HRH4: variants seen among roughly 807,000 people sequenced by gnomAD.
HRH4 encodes histamine H4 receptor.
Under a neutral mutation model 10.4 loss-of-function variants are expected in HRH4, and 12 were observed. The observed-to-expected ratio is 1.15, with a 90% CI of 0.74 to 1.87. The LOEUF (loss-of-function observed/expected upper bound fraction) is 1.87. HRH4 is among the 40% of genes most tolerant of loss of function. The pLI is 0.00. For missense variants in HRH4, 415 were observed against 453.3 expected, an observed-to-expected ratio of 0.92 and a Z score of 0.77; for synonymous variants, 154 against 166.6, an observed-to-expected ratio of 0.92 and a Z score of 0.58.
At chr18:24,464,755 G>A (rs1250573092) in intron 1 of HRH4, among the ~76,000 whole-genome samples, 1 of 152,126 alleles carries the variant, frequency 6.6e-6, no homozygotes, top group Non-Finnish European at 1.5e-5. Context: ...ACTTTCTGAG[G>A]TGCTGGGGAT....
chr18:24,473,469 G>C (rs1358524058), intron 2 of HRH4, among the ~76,000 whole-genome samples: 1 of 152,170 alleles, frequency 6.6e-6, no homozygotes, highest in Non-Finnish European at 1.5e-5. Flanking sequence ...TTTAGCTGCT[G>C]GTGTTGCCAG....
intron 2 of HRH4, among the ~76,000 whole-genome samples, chr18:24,471,233 C>A (rs947625871): frequency 2.0e-5 from 3 of 151,850 alleles, no homozygotes. Flanking sequence ...AAACTGCTGG[C>A]CTTGACCCAT....
At position 24,463,258 on chromosome 18, in the gene HRH4, C is replaced by T. The variant is rs182097877; in HGVS notation, c.193+2337C>T. ...TCAGCAGGTGGGTGAAGATATAATTCTGATAATTTCTTTTGCTCCTGATTA... is the reference window on the plus strand; with the variant it reads ...TCAGCAGGTGGGTGAAGATATAATTTTGATAATTTCTTTTGCTCCTGATTA... On this transcript the variant is annotated intron_variant, in intron 1 of 2. Transcript: ENST00000256906. Among the ~76,000 whole-genome samples, 16 of 152,298 alleles carry T rather than the reference C, an allele frequency of 1.1e-4. No individual in the cohort carries two copies. In the East Asian group the frequency reaches 2.9e-3, roughly 28 times the overall value.
intron 2 of HRH4, among the ~76,000 whole-genome samples, chr18:24,475,438 A>G (rs1173990115): frequency 6.6e-6 from 1 of 152,208 alleles, no homozygotes; most frequent in Non-Finnish European, 1.5e-5. Context: ...AGCATGGACA[A>G]CATAGTGAGG....
intron 2 of HRH4, among the ~76,000 whole-genome samples, chr18:24,475,963 G>A (rs1007893809): frequency 3.9e-5 from 6 of 152,114 alleles, no homozygotes; most frequent in South Asian, 2.1e-4. Flanking sequence ...AGCCGAGATT[G>A]CGCCATTGCA....
chr18:24,460,827 T>C lies in HRH4; in HGVS notation c.99T>C (p.Asn33=). 1.3e-6 allele frequency: 2 copies of C among 1,590,348 alleles called. No homozygotes were observed. The highest frequency in any genetic ancestry group is 8.6e-7 in the Non-Finnish European group (1 of 1,163,144). The change falls in exon 1 of 3, where the codon AAT becomes AAC. Residue 33 remains asparagine (N), a synonymous_variant. Coordinates refer to ENST00000256906, the MANE Select transcript of HRH4 (RefSeq NM_021624.4). The part of the protein sequence containing the change: ...SLVAFAIMLG[N]ALVILAFVVD... ...TAGCTTTTGCTATAATGCTAGGAAA[T>C]GCTTTGGTCATTTTAGCTTTTGTGG...
Position 24,476,982 on chromosome 18 carries a change from A to T in HRH4, c.593A>T (p.Tyr198Phe), listed in dbSNP as rs760866060. The change falls in exon 3 of 3, where the codon TAT (tyrosine) becomes TTT (phenylalanine). Residue 198 changes from tyrosine (Y) to phenylalanine (F), a missense_variant. Transcript: ENST00000256906. ...ILVAYFNMNI[Y>F]WSLWKRDHLS... is the part of the protein sequence containing the mutation. ...GTCGCTTATTTCAACATGAATATTT[A>T]TTGGAGCCTGTGGAAGCGTGATCAT... 2.5e-6 allele frequency: 4 copies of T among 1,614,074 alleles called. No individual in the cohort carries two copies. In the African/African-American group the frequency reaches 5.3e-5, roughly 22 times the overall value.
chr18:24,465,000 T>C (rs1909736452), intron 1 of HRH4, among the ~76,000 whole-genome samples: 1 of 151,946 alleles, frequency 6.6e-6, no homozygotes, highest in Non-Finnish European at 1.5e-5. Flanking sequence ...AAAGACACAT[T>C]TGAAGCCTGG....
Position 24,468,792 on chromosome 18 carries a change from G to T in HRH4, c.198G>T (p.Val66=). The T allele has an allele frequency of 6.2e-7, 1 of 1,611,666 alleles. No individual in the cohort carries two copies. Among genetic ancestry groups the T allele is most frequent in the Admixed American group, 1.7e-5 (1 of 59,378 alleles). Residue 66 remains valine (V), a synonymous_variant, in exon 2 of 3, where the codon GTG becomes GTT. Transcript: ENST00000256906. ...NLAISDFFVG[V]ISIPLYIPHT... is the part of the protein sequence containing the mutation. ...ACTTATGTTTTCCCTGTGCAGGTGTGATCTCCATTCCTTTGTACATCCCTC... is the reference window on the plus strand; with the variant it reads ...ACTTATGTTTTCCCTGTGCAGGTGTTATCTCCATTCCTTTGTACATCCCTC...
At position 24,479,128 on chromosome 18, in the gene HRH4, G is replaced by A. The variant is rs1410072221; in HGVS notation, c.*1566G>A. On this transcript the variant is annotated 3_prime_UTR_variant, in exon 3 of 3. Coordinates refer to ENST00000256906, the MANE Select transcript of HRH4 (RefSeq NM_021624.4). ...AGATGAGGTTTTGCCATTTTGGTCA[G>A]GCTGGAATTTTTTTTTTTTTAATTT... 6.6e-6 allele frequency: 1 copy of A among 151,856 alleles called. No individual in the cohort carries two copies. The highest frequency in any genetic ancestry group is 1.5e-5 in the Non-Finnish European group (1 of 68,016). 9.4% of individuals were successfully genotyped at this position (151,856 alleles called of 1,614,324 possible).
In HRH4 at chr18:24,476,620, T is replaced by C. The variant is rs1358711825; in HGVS notation, c.358-127T>C. ...GTCAAACCCTCTGTCCTGGTCCACA[T>C]CGTGATACCCAGGTTAGTTAATGTC... On this transcript the variant is annotated intron_variant, in intron 2 of 2. Coordinates refer to ENST00000256906, the MANE Select transcript of HRH4 (RefSeq NM_021624.4). The C allele has an allele frequency of 5.7e-6, 4 of 701,008 alleles. 1 individual carries two copies. Among genetic ancestry groups the C allele is most frequent in the African/African-American group, 1.8e-5 (1 of 55,740 alleles). 43.4% of individuals were successfully genotyped at this position (701,008 alleles called of 1,614,324 possible). A position where few individuals can be genotyped will look rare whatever the true frequency, so the allele number is the denominator to read the frequency against.
chr18:24,465,157 G>T (rs1189205144), intron 1 of HRH4, among the ~76,000 whole-genome samples: 6 of 152,030 alleles, frequency 3.9e-5, no homozygotes, highest in African/African-American at 1.2e-4. Flanking sequence ...GCGTGGTGGC[G>T]TGTGCCTGTA....
In HRH4 at chr18:24,472,341, C is replaced by T. The variant is rs533577867; in HGVS notation, c.357+3390C>T. On this transcript the variant is annotated intron_variant, in intron 2 of 2. Coordinates refer to ENST00000256906, the MANE Select transcript of HRH4 (RefSeq NM_021624.4). ...GATTACAGGCATGAATCACCATGCC[C>T]GGCCTGTTTTTTGTTTTTAAATCCT... Among the ~76,000 whole-genome samples, 233 of 152,222 alleles carry T rather than the reference C, an allele frequency of 1.5e-3. 2 individuals are homozygous for T. The South Asian group carries it at 0.016, about 10-fold the overall frequency.
chr18:24,476,947 A>G lies in HRH4; in HGVS notation c.558A>G (p.Pro186=). 1 of 1,614,174 alleles carries G rather than the reference A, an allele frequency of 6.2e-7. No homozygotes were observed. The highest frequency in any genetic ancestry group is 8.5e-7 in the Non-Finnish European group (1 of 1,180,042). The change falls in exon 3 of 3, where the codon CCA becomes CCG. Residue 186 remains proline, a synonymous_variant. Coordinates refer to ENST00000256906, the MANE Select transcript of HRH4 (RefSeq NM_021624.4). ...AITSFLEFVI[P]VILVAYFNMN... is the part of the protein sequence containing the mutation. ...CATCATTCTTGGAATTCGTGATCCC[A>G]GTCATCTTAGTCGCTTATTTCAACA...
Position 24,477,350 on chromosome 18 carries a change from C to T in HRH4, c.961C>T (p.Leu321=). The T allele has an allele frequency of 1.2e-6, 2 of 1,614,096 alleles. No individual in the cohort carries two copies. Among genetic ancestry groups the T allele is most frequent in the Non-Finnish European group, 1.7e-6 (2 of 1,179,954 alleles). Residue 321 remains leucine, a synonymous_variant, in exon 3 of 3, where the codon CTG becomes TTG. Coordinates refer to ENST00000256906, the MANE Select transcript of HRH4 (RefSeq NM_021624.4). ...VFAVCWAPYS[L]FTIVLSFYSS... Reference sequence around the variant, plus strand: ...TGCTGTTTGCTGGGCTCCATATTCTCTGTTCACAATTGTCCTTTCATTTTA... The same window carrying T: ...TGCTGTTTGCTGGGCTCCATATTCTTTGTTCACAATTGTCCTTTCATTTTA...
At chr18:24,475,984 G>A (rs112106213) in intron 2 of HRH4, among the ~76,000 whole-genome samples, 1 of 152,170 alleles carries the variant, frequency 6.6e-6, no homozygotes, top group African/African-American at 2.4e-5. Flanking sequence ...CTCCAGCCTG[G>A]GTGACAAGCG....
rs753724437 is a variant in HRH4 at position 24,477,241 on chromosome 18, T to A, written c.852T>A (p.Ser284=). 6.2e-7 allele frequency: 1 copy of A among 1,614,260 alleles called. No homozygotes were observed. Among genetic ancestry groups the A allele is most frequent in the Non-Finnish European group, 8.5e-7 (1 of 1,180,042 alleles). The change falls in exon 3 of 3, where the codon TCT becomes TCA. Residue 284 remains serine (S), a synonymous_variant. Transcript: ENST00000256906. ...SKMGSFSQSD[S]VALHQREHVE... ...TGGGTTCCTTCTCCCAATCAGATTCTGTAGCTCTTCACCAAAGGGAACATG... is the reference window on the plus strand; with the variant it reads ...TGGGTTCCTTCTCCCAATCAGATTCAGTAGCTCTTCACCAAAGGGAACATG...
intron 2 of HRH4, among the ~76,000 whole-genome samples, chr18:24,474,523 A>G (rs1374698336): frequency 6.6e-6 from 1 of 152,210 alleles, no homozygotes. Flanking sequence ...TTAAACCATG[A>G]GAAACCATTG....
intron 1 of HRH4, among the ~76,000 whole-genome samples, chr18:24,467,437 A>G (rs942399834): frequency 4.6e-5 from 7 of 152,258 alleles, no homozygotes; most frequent in Admixed American, 2.0e-4. Flanking sequence ...TGCAGAGGAC[A>G]GAGGGGTCAC....
Sources: allele counts gnomAD v4.1 joint callset (sites outside exome capture counted in the v4.1 genomes callset), GRCh38; gene constraint gnomAD v4.1.1; transcripts MANE v1.5; gene names NCBI Gene and HGNC (gene_info 2026-07-23, HGNC 2026-07-21).